TMTC1: variants seen among roughly 807,000 people sequenced by gnomAD.
The protein encoded by TMTC1 is protein O-mannosyl-transferase TMTC1.
Under a neutral mutation model 104.8 loss-of-function variants are expected in TMTC1, and 73 were observed. The observed-to-expected ratio is 0.70, with a 90% CI of 0.58 to 0.85. TMTC1 has a LOEUF of 0.85. Among genes scored for constraint, TMTC1 ranks in the 40% least tolerant of loss-of-function variants. The pLI is 0.00. For missense variants in TMTC1, 1,035 were observed against 1,096.1 expected (o/e 0.94, Z 0.79); for synonymous variants, 434 against 428.7 (o/e 1.01, Z -0.15).
At chr12:29,743,877 C>T (rs993919310) in intron 5 of TMTC1, among the ~76,000 whole-genome samples, 1 of 152,184 alleles carries the variant, frequency 6.6e-6, no homozygotes, top group African/African-American at 2.4e-5. Context: ...TAACTCCCTG[C>T]AGCACGGTAA....
chr12:29,676,626 G>A (rs894986509), intron 5 of TMTC1, among the ~76,000 whole-genome samples: 10 of 152,162 alleles, frequency 6.6e-5, no homozygotes, highest in Non-Finnish European at 1.0e-4. Context: ...GCCTTCAAAC[G>A]AAAGGTCACC....
intron 5 of TMTC1, among the ~76,000 whole-genome samples, chr12:29,724,547 T>C (rs1942329121): frequency 6.6e-6 from 1 of 152,162 alleles, no homozygotes; most frequent in Admixed American, 6.5e-5. Flanking sequence ...TTATCCAACT[T>C]ACACAGCATT....
rs534657647 is a variant in TMTC1, at chr12:29,505,106, A to T, written c.*1740T>A. 4.6e-5 allele frequency: 7 copies of T among 152,296 alleles called. No individual in the cohort carries two copies. Among genetic ancestry groups the T allele is most frequent in the African/African-American group, 1.7e-4 (7 of 41,562 alleles). The allele number at this position is 152,296 out of a possible 1,614,324, so 9.4% of individuals were successfully genotyped here. On this transcript the variant is annotated 3_prime_UTR_variant, in exon 18 of 18. Transcript: ENST00000539277. Reference sequence around the variant, plus strand: ...GCATGCTAATTCAAATTCTGTAATCATTTTCATTTAAAATACTCCCTTCGC... The same window carrying T: ...GCATGCTAATTCAAATTCTGTAATCTTTTTCATTTAAAATACTCCCTTCGC...
At chr12:29,664,200 TAAAAAATA>T (rs1185197175) in intron 5 of TMTC1, among the ~76,000 whole-genome samples, 7 of 135,528 alleles carry the variant, frequency 5.2e-5, no homozygotes, top group African/African-American at 1.1e-4. Context: ...AAAATAAAAA[TAAAAAATA>T]AAAAAATAAA....
intron 5 of TMTC1, among the ~76,000 whole-genome samples, chr12:29,664,516 C>G (rs966807060): frequency 3.9e-5 from 6 of 152,168 alleles, no homozygotes. Flanking sequence ...CCCCATCAGT[C>G]CAATACACAC....
At chr12:29,551,951 T>C (rs981127844) in intron 10 of TMTC1, among the ~76,000 whole-genome samples, 1 of 152,150 alleles carries the variant, frequency 6.6e-6, no homozygotes, top group Non-Finnish European at 1.5e-5. Flanking sequence ...GAAATGGTCA[T>C]AAAAGGGGCC....
chr12:29,622,770 A>G lies in TMTC1; in HGVS notation c.1128+10377T>C, dbSNP rs1482415497. 3.9e-5 allele frequency among the ~76,000 whole-genome samples: 6 copies of G among 152,358 alleles called. No individual in the cohort carries two copies. In the East Asian group the frequency reaches 1.2e-3, roughly 29 times the overall value. ...GTAATATAAATTCAAATGCCTTTCT[A>G]GAGAATGAATGGTGTGTGAGTAGAA... is the stretch of plus-strand genomic sequence containing the variant. On this transcript the variant is annotated intron_variant, in intron 6 of 17. Transcript: ENST00000539277.
intron 11 of TMTC1, among the ~76,000 whole-genome samples, chr12:29,523,283 C>T (rs896540238): frequency 2.6e-5 from 4 of 152,328 alleles, no homozygotes; most frequent in African/African-American, 4.8e-5. Flanking sequence ...TTCAAGGAGA[C>T]TTTGCCACTG....
chr12:29,534,766 A>T (rs1944596837), intron 11 of TMTC1: 1 of 152,192 alleles, frequency 6.6e-6, no homozygotes, highest in Non-Finnish European at 1.5e-5. Context: ...TGAATAAAAC[A>T]CATAGCTGTT....
Position 29,755,858 on chromosome 12 carries a change from T to A in TMTC1, c.582A>T (p.Gly194=). 1 of 1,614,030 alleles carries A rather than the reference T, an allele frequency of 6.2e-7. No homozygotes were observed. Residue 194 remains glycine, a synonymous_variant, in exon 4 of 18, where the codon GGA becomes GGT. Coordinates refer to ENST00000539277, the MANE Select transcript of TMTC1 (RefSeq NM_001193451.2). ...NRSLDQGCVG[G]SFPSTVSPFF... ...AGGGAGACACCGTGGAAGGGAAACT[T>A]CCCCCAACACAGCCCTGATCCAGAC...
intron 6 of TMTC1, among the ~76,000 whole-genome samples, chr12:29,622,025 A>C (rs998587472): frequency 2.0e-5 from 3 of 152,080 alleles, no homozygotes; most frequent in Non-Finnish European, 2.9e-5. Context: ...CTATCACCCT[A>C]CTAAAAATTT....
intron 7 of TMTC1, among the ~76,000 whole-genome samples, chr12:29,591,792 T>C (rs79056099): frequency 0.047 from 7,176 of 152,306 alleles, 574 homozygotes; most frequent in African/African-American, 0.16. Flanking sequence ...TTTGTCCTTT[T>C]GCATTAGAAT....
intron 9 of TMTC1, among the ~76,000 whole-genome samples, chr12:29,571,833 A>G (rs1426260704): frequency 1.3e-5 from 2 of 152,240 alleles, no homozygotes; most frequent in African/African-American, 4.8e-5. Context: ...GCACGTATAT[A>G]TTGAACTGTC....
At chr12:29,718,147 A>G (rs1298172978) in intron 5 of TMTC1, among the ~76,000 whole-genome samples, 1 of 152,226 alleles carries the variant, frequency 6.6e-6, no homozygotes. Flanking sequence ...AACTCTGTAC[A>G]CAAGATTGAA....
chr12:29,522,085 G>A (rs1490383609), intron 11 of TMTC1, among the ~76,000 whole-genome samples: 1 of 152,130 alleles, frequency 6.6e-6, no homozygotes, highest in East Asian at 1.9e-4. Context: ...ATACATATAT[G>A]CCCTGAGTAT....
intron 5 of TMTC1, among the ~76,000 whole-genome samples, chr12:29,656,209 G>C (rs1309993796): frequency 1.3e-5 from 2 of 151,932 alleles, no homozygotes; most frequent in Non-Finnish European, 2.9e-5. Flanking sequence ...CTTTACTCGG[G>C]AAAGGAATTA....
At chr12:29,641,978 TAGA>T (rs1292851319) in intron 5 of TMTC1, among the ~76,000 whole-genome samples, 3 of 152,066 alleles carry the variant, frequency 2.0e-5, no homozygotes, top group East Asian at 1.9e-4. Flanking sequence ...ATTGAACAAG[TAGA>T]AGAAGAAATT....
At chr12:29,528,009 T>A (rs968464577) in intron 11 of TMTC1, among the ~76,000 whole-genome samples, 2 of 152,206 alleles carry the variant, frequency 1.3e-5, no homozygotes, top group African/African-American at 4.8e-5. Flanking sequence ...TTCATTTCAC[T>A]TGATTGTCAA....
chr12:29,633,573 C>T (rs775183308), intron 5 of TMTC1, among the ~76,000 whole-genome samples: 6 of 152,062 alleles, frequency 3.9e-5, no homozygotes, highest in Non-Finnish European at 7.3e-5. Flanking sequence ...TGAACAAATA[C>T]AGATACAGTT....
Sources: gnomAD v4.1 joint callset for allele counts (sites outside exome capture counted in the v4.1 genomes callset) on GRCh38, gnomAD v4.1.1 for gene constraint, MANE v1.5 for transcripts, NCBI Gene and HGNC (gene_info 2026-07-23, HGNC 2026-07-21) for gene names.